The following RIT2 variants were observed in gnomAD, a reference collection of about 807,000 sequenced individuals.
The protein encoded by RIT2 is GTP-binding protein Rit2.
RIT2 carries 24 observed loss-of-function variants against 23.7 expected under a neutral mutation model. That is an observed-to-expected ratio of 1.01 (90% confidence interval 0.73 to 1.43). The LOEUF (loss-of-function observed/expected upper bound fraction) is 1.43, where lower values mean the gene tolerates loss of function less well. Ranked by LOEUF, RIT2 falls within the 40% of genes most tolerant of loss-of-function variation. The pLI, the probability that RIT2 is intolerant of heterozygous loss-of-function variation, is 0.00. For synonymous variants in RIT2, 107 were observed against 91.1 expected (o/e 1.17, Z -0.99); for missense variants, 236 against 266.9 (o/e 0.88, Z 0.81).
intron 1 of RIT2, among the ~76,000 whole-genome samples, chr18:43,080,269 C>T (rs1913125872): frequency 6.6e-6 from 1 of 152,202 alleles, no homozygotes. Context: ...TCTTCCCATT[C>T]TAATGATGAG....
chr18:42,834,733 A>G (rs1325059602), intron 4 of RIT2, among the ~76,000 whole-genome samples: 2 of 152,218 alleles, frequency 1.3e-5, no homozygotes, highest in Admixed American at 6.5e-5. Context: ...ACATGCAAGT[A>G]TACAGTGAGG....
At position 43,115,460 on chromosome 18, in the gene RIT2, C is replaced by CTCTCTGG; in HGVS notation, c.53_59dup (p.Glu20AspfsTer16). The CTCTCTGG allele has an allele frequency of 1.2e-6, 2 of 1,613,830 alleles. No individual in the cohort carries two copies. The highest frequency in any genetic ancestry group is 1.7e-6 in the Non-Finnish European group (2 of 1,179,864). On this transcript the variant is annotated frameshift_variant, in exon 1 of 5. Coordinates refer to ENST00000326695, the MANE Select transcript of RIT2 (RefSeq NM_002930.4). LOFTEE classifies it high-confidence loss of function. Reference sequence around the variant, plus strand: ...CTGCTCCCAGCATTACCACCTTGTACTCTCTGGACCCGCCTGATGCGCTGC... The same window carrying CTCTCTGG: ...CTGCTCCCAGCATTACCACCTTGTACTCTCTGGTCTCTGGACCCGCCTGATGCGCTGC...
chr18:42,872,378 A>G (rs1907641986), intron 4 of RIT2, among the ~76,000 whole-genome samples: 1 of 152,174 alleles, frequency 6.6e-6, no homozygotes, highest in Non-Finnish European at 1.5e-5. Context: ...GCAGATTCAG[A>G]CACCACCTCA....
chr18:43,035,318 A>G (rs556872109), intron 1 of RIT2, among the ~76,000 whole-genome samples: 2 of 152,340 alleles, frequency 1.3e-5, no homozygotes, highest in South Asian at 2.1e-4. Flanking sequence ...ATGCAAATCA[A>G]CGTTCCTTAC....
chr18:42,750,250 T>A (rs1387214597), intron 4 of RIT2, among the ~76,000 whole-genome samples: 1 of 151,822 alleles, frequency 6.6e-6, no homozygotes, highest in Non-Finnish European at 1.5e-5. Flanking sequence ...TTTCGAGAGT[T>A]TAAAAACAGA....
chr18:42,843,735 G>C (rs17635641), intron 4 of RIT2, among the ~76,000 whole-genome samples: 16,363 of 152,192 alleles, frequency 0.11, 1,000 homozygotes, highest in Middle Eastern at 0.24. Flanking sequence ...AACAGACTTG[G>C]ATATCAGAAA....
At chr18:42,973,745 C>G (rs576144303) in intron 3 of RIT2, among the ~76,000 whole-genome samples, 1 of 151,858 alleles carries the variant, frequency 6.6e-6, no homozygotes, top group South Asian at 2.1e-4. Context: ...TTTATATTCA[C>G]CTAAAATTCT....
At chr18:43,022,723 C>A (rs1420640508) in intron 2 of RIT2, among the ~76,000 whole-genome samples, 1 of 151,792 alleles carries the variant, frequency 6.6e-6, no homozygotes, top group Non-Finnish European at 1.5e-5. Flanking sequence ...ATTGCTATAG[C>A]CCAGCTCAGA....
chr18:42,960,416 G>A (rs896446487), intron 3 of RIT2, among the ~76,000 whole-genome samples: 3 of 152,192 alleles, frequency 2.0e-5, no homozygotes, highest in African/African-American at 7.2e-5. Flanking sequence ...CTGGGTTTAA[G>A]CAATTTTCCT....
intron 4 of RIT2, among the ~76,000 whole-genome samples, chr18:42,755,078 C>T (rs1282728444): frequency 6.6e-6 from 1 of 152,110 alleles, no homozygotes; most frequent in Admixed American, 6.6e-5. Flanking sequence ...TGAGCTATCA[C>T]ATGAAAGGCA....
chr18:43,025,529 C>T (rs1287097614), intron 2 of RIT2, among the ~76,000 whole-genome samples: 2 of 151,902 alleles, frequency 1.3e-5, no homozygotes, highest in Non-Finnish European at 2.9e-5. Flanking sequence ...TGGAATCAAA[C>T]TAAGTGTCCA....
intron 4 of RIT2, among the ~76,000 whole-genome samples, chr18:42,760,834 G>A (rs758116456): frequency 1.3e-5 from 2 of 152,174 alleles, no homozygotes; most frequent in Non-Finnish European, 2.9e-5. Context: ...CTCCCTGCAT[G>A]CATCATGCAT....
intron 3 of RIT2, among the ~76,000 whole-genome samples, chr18:42,931,694 C>A (rs926417822): frequency 6.6e-6 from 1 of 152,060 alleles, no homozygotes; most frequent in South Asian, 2.1e-4. Flanking sequence ...ATACTGGGAG[C>A]TGTTTTCCTG....
At chr18:42,881,391 C>A (rs1034200591) in intron 4 of RIT2, among the ~76,000 whole-genome samples, 2 of 152,118 alleles carry the variant, frequency 1.3e-5, no homozygotes, top group Admixed American at 6.5e-5. Flanking sequence ...CTTTATTCAA[C>A]CTTTAAAATG....
At chr18:43,058,922 A>G (rs62092695) in intron 1 of RIT2, among the ~76,000 whole-genome samples, 12,145 of 151,954 alleles carry the variant, frequency 0.08, 631 homozygotes, top group East Asian at 0.18. Context: ...TTTTCAATAC[A>G]TTGAACCCTT....
At chr18:42,975,209 T>G (rs1399325688) in intron 2 of RIT2, among the ~76,000 whole-genome samples, 1 of 152,162 alleles carries the variant, frequency 6.6e-6, no homozygotes, top group Non-Finnish European at 1.5e-5. Context: ...CTCTACTGAT[T>G]AGTGATGGTG....
chr18:43,016,896 T>C (rs1025573044), intron 2 of RIT2, among the ~76,000 whole-genome samples: 9 of 151,858 alleles, frequency 5.9e-5, no homozygotes, highest in Non-Finnish European at 1.3e-4. Flanking sequence ...ATCAACATAG[T>C]AGTTAAAATT....
intron 2 of RIT2, among the ~76,000 whole-genome samples, chr18:42,991,193 T>C (rs931105530): frequency 6.6e-6 from 1 of 152,186 alleles, no homozygotes; most frequent in Non-Finnish European, 1.5e-5. Context: ...GCAATGCACT[T>C]TCCCAGCCCC....
intron 4 of RIT2, among the ~76,000 whole-genome samples, chr18:42,841,345 G>T (rs111942841): frequency 6.6e-6 from 1 of 152,164 alleles, no homozygotes; most frequent in African/African-American, 2.4e-5. Flanking sequence ...AATAAAATTT[G>T]AGGCTCCTTT....
Sources: gnomAD v4.1 joint callset for allele counts (sites outside exome capture counted in the v4.1 genomes callset) on GRCh38, gnomAD v4.1.1 for gene constraint, MANE v1.5 for transcripts, NCBI Gene and HGNC (gene_info 2026-07-23, HGNC 2026-07-21) for gene names.